Variants in RYR1 observed in about 807,000 individuals in gnomAD.
RYR1 encodes central core disease of muscle.
Under a neutral mutation model 583.5 loss-of-function variants are expected in RYR1, and 342 were observed. The ratio of observed to expected loss-of-function variants is 0.59; its 90% CI spans 0.54 to 0.64. The LOEUF is 0.64. Ranked by LOEUF, RYR1 falls within the 30% of genes least tolerant of loss-of-function variation. RYR1 has a pLI of 0.00. For missense variants in RYR1, 6,032 were observed against 6,917.2 expected (o/e 0.87, Z 4.54); for synonymous variants, 2,791 against 2,822.5 (o/e 0.99, Z 0.35).
rs1183111020 is a variant in RYR1 at position 38,464,713 on chromosome 19, T to C, written c.2861T>C (p.Leu954Pro). 2.0e-5 allele frequency: 32 copies of C among 1,583,214 alleles called. No homozygotes were observed. The highest frequency in any genetic ancestry group is 2.5e-5 in the Non-Finnish European group (29 of 1,164,798). Residue 954 changes from leucine to proline, a missense_variant, in exon 23 of 106, where the codon CTC becomes CCC. Physicochemically the swap from Leu to Pro is moderately conservative, Grantham distance 98. This residue lies in a region of RYR1 where 2,627 missense variants were observed against 2,961.3 expected (regional missense o/e 0.89). Coordinates refer to ENST00000359596, the MANE Select transcript of RYR1 (RefSeq NM_000540.3). ...GAGGACAACCTGAAGAAGACAAAACTCCCCAAGACGTGAGTGTGGGCAGCC... is the reference window on the plus strand; with the variant it reads ...GAGGACAACCTGAAGAAGACAAAACCCCCCAAGACGTGAGTGTGGGCAGCC... ...KAEDNLKKTK[L>P]PKTYMMSNGY...
intron 99 of RYR1, among the ~76,000 whole-genome samples, chr19:38,578,684 A>G (rs1974066309): frequency 6.6e-6 from 1 of 152,122 alleles, no homozygotes; most frequent in South Asian, 2.1e-4. Flanking sequence ...CCAGCTACTC[A>G]GGAGGCTGAG....
chr19:38,459,133 G>A lies in RYR1; in HGVS notation c.2168-13G>A. On this transcript the variant is annotated splice_polypyrimidine_tract_variant and intron_variant, in intron 18 of 105. Coordinates refer to ENST00000359596, the MANE Select transcript of RYR1 (RefSeq NM_000540.3). ...ACCTGTGACGTCTGACCCATCTCTG[G>A]TGACTGATGCAGGACACGTGGCACG... 2 of 1,612,212 alleles carry A rather than the reference G, an allele frequency of 1.2e-6. No individual in the cohort carries two copies. Among genetic ancestry groups the A allele is most frequent in the African/African-American group, 1.3e-5 (1 of 74,978 alleles).
rs1001494927 is a variant in RYR1, at chr19:38,446,776, G to C, written c.800+8G>C. ...GGAGCCACTGAGAATCAGGTAGGGC[G>C]GGGAAGATGGGGAGAGACCAGGGAG... On this transcript the variant is annotated splice_region_variant and intron_variant, in intron 9 of 105. Transcript: ENST00000359596. 4 of 1,611,608 alleles carry C rather than the reference G, an allele frequency of 2.5e-6. No individual in the cohort carries two copies. Among genetic ancestry groups the C allele is most frequent in the East Asian group, 4.5e-5 (2 of 44,866 alleles).
At chr19:38,497,347 G>T (rs1289757438) in intron 42 of RYR1, among the ~76,000 whole-genome samples, 1 of 152,204 alleles carries the variant, frequency 6.6e-6, no homozygotes, top group Non-Finnish European at 1.5e-5. Context: ...GGTGGCCTTG[G>T]CACATTTCTT....
chr19:38,502,727 G>C lies in RYR1; in HGVS notation c.7835G>C (p.Arg2612Thr), dbSNP rs769677939. ...VIEDCLMSLCRYIRPSMLQHL... is the reference protein window; with the variant it reads ...VIEDCLMSLCTYIRPSMLQHL... ...GAGGACTGCCTCATGTCGCTCTGCA[G>C]GTGGAGCGGGGCAGGCTTCAGGGTG... Residue 2612 changes from arginine to threonine, a missense_variant and splice_region_variant, in exon 48 of 106, where the codon AGG becomes ACG. By Grantham distance (71) the Arg-to-Thr change is moderately conservative. Around this residue, in one of 11 missense-constraint regions of RYR1, gnomAD observed 250 missense variants for 162.3 expected, o/e 1.54. Transcript: ENST00000359596. The C allele has an allele frequency of 6.4e-7, 1 of 1,572,390 alleles. No homozygotes were observed. The highest frequency in any genetic ancestry group is 1.1e-5 in the South Asian group (1 of 89,702).
intron 7 of RYR1, among the ~76,000 whole-genome samples, 180 bp from the exon 8 acceptor site, chr19:38,446,292 C>A (rs1211334911): frequency 1.3e-5 from 2 of 152,170 alleles, no homozygotes; most frequent in Non-Finnish European, 2.9e-5. Flanking sequence ...TCTCATATCC[C>A]CACTTCAGGC....
intron 66 of RYR1, among the ~76,000 whole-genome samples, chr19:38,518,927 CAAAAAAAA>C (rs549791781): frequency 8.4e-6 from 1 of 118,536 alleles, no homozygotes; most frequent in Non-Finnish European, 1.8e-5. Flanking sequence ...AACTCTGTCT[CAAAAAAAA>C]AAAAAAAGTT....
chr19:38,457,361 CCTCCTCTCAGTCAAAATTGCCACAT>C lies in RYR1; in HGVS notation c.1792-133_1792-109del, dbSNP rs1967467759. 2.4e-6 allele frequency: 3 copies of C among 1,232,724 alleles called. No individual in the cohort carries two copies. In the East Asian group the frequency reaches 7.0e-5, roughly 29 times the overall value. The allele number at this position is 1,232,724 out of a possible 1,614,324, so 76.4% of individuals were successfully genotyped here. On this transcript the variant is annotated intron_variant, in intron 16 of 105. Transcript: ENST00000359596. ...GATCCCTGACCTTCCACTTTCACCA[CCTCCTCTCAGTCAAAATTGCCACAT>C]CTTATCCCGATGCGCTGTCCTTTCC... is the stretch of plus-strand genomic sequence containing the variant.
intron 99 of RYR1, 83 bp from the exon 100 acceptor site, chr19:38,579,899 G>A: frequency 1.3e-6 from 2 of 1,588,274 alleles, no homozygotes; most frequent in South Asian, 1.1e-5. Flanking sequence ...GGGCACAGCT[G>A]ACTCTCGAGT....
rs1301933255 is a variant in RYR1 at position 38,502,875 on chromosome 19, C to G, written c.7836-5C>G. On this transcript the variant is annotated splice_region_variant and splice_polypyrimidine_tract_variant and intron_variant, in intron 48 of 105. Coordinates refer to ENST00000359596, the MANE Select transcript of RYR1 (RefSeq NM_000540.3). ...GGATTCTACATCTTGTGCATTGTCC[C>G]GCAGGTACATCCGCCCGTCGATGCT... 2.5e-6 allele frequency: 4 copies of G among 1,609,734 alleles called. No homozygotes were observed. Among genetic ancestry groups the G allele is most frequent in the Admixed American group, 1.7e-5 (1 of 59,910 alleles).
chr19:38,464,073 T>G (rs559441547), intron 22 of RYR1, among the ~76,000 whole-genome samples: 1 of 151,952 alleles, frequency 6.6e-6, no homozygotes, highest in South Asian at 2.1e-4. Flanking sequence ...GGTCAGCAGT[T>G]CGAGACCAGT....
intron 96 of RYR1, among the ~76,000 whole-genome samples, chr19:38,573,541 G>A (rs182567398): frequency 2.0e-5 from 3 of 152,102 alleles, no homozygotes; most frequent in Non-Finnish European, 2.9e-5. Flanking sequence ...TTAGCTGGGC[G>A]TGGTGGCGGG....
At position 38,509,923 on chromosome 19, in the gene RYR1, A is replaced by AT. The variant is rs554617572; in HGVS notation, c.8933-575_8933-574insT. On this transcript the variant is annotated intron_variant, in intron 58 of 105. Coordinates refer to ENST00000359596, the MANE Select transcript of RYR1 (RefSeq NM_000540.3). Reference sequence around the variant, plus strand: ...AACTCAGTGCCATGTATTCAAGTTTAGAATGAAAAGCACTTATGGTGGGTG... The same window carrying AT: ...AACTCAGTGCCATGTATTCAAGTTTATGAATGAAAAGCACTTATGGTGGGTG... Among the ~76,000 whole-genome samples, 496 of 151,790 alleles carry AT rather than the reference A, an allele frequency of 3.3e-3. 1 individual carries two copies. The highest frequency in any genetic ancestry group is 0.017 in the Middle Eastern group (5 of 292).
chr19:38,476,091 T>C (rs8104818), intron 29 of RYR1, among the ~76,000 whole-genome samples: 6,584 of 152,102 alleles, frequency 0.043, 455 homozygotes, highest in African/African-American at 0.15. Flanking sequence ...GGTGTGATCT[T>C]GGCTCACTGA....
chr19:38,469,820 A>C (rs965035782), intron 27 of RYR1, among the ~76,000 whole-genome samples: 3 of 152,076 alleles, frequency 2.0e-5, no homozygotes, highest in African/African-American at 7.2e-5. Context: ...TTATCCCAGC[A>C]CTTAGGGAGG....
rs1294630166 is a variant in RYR1 at position 38,519,431 on chromosome 19, C to T, written c.10236C>T (p.Leu3412=). 1 of 1,599,846 alleles carries T rather than the reference C, an allele frequency of 6.3e-7. No individual in the cohort carries two copies. The highest frequency in any genetic ancestry group is 1.7e-5 in the Admixed American group (1 of 58,498). The change falls in exon 67 of 106, where the codon CTC becomes CTT. Residue 3412 remains leucine, a synonymous_variant. Transcript: ENST00000359596. ...CRDLYALYPL[L]IRYVDNNRAQ... ...ACCTCTACGCCCTGTATCCGCTGCT[C>T]ATCCGCTACGTGGACAACAACAGGT...
chr19:38,579,931 T>C, intron 99 of RYR1, 51 bp from the exon 100 acceptor site: 1 of 1,613,186 alleles, frequency 6.2e-7, no homozygotes. Context: ...TCCAGAGTGC[T>C]CCTCGTGTGT....
intron 70 of RYR1, 46 bp downstream of exon 70, chr19:38,523,975 C>A: frequency 6.2e-7 from 1 of 1,611,142 alleles, no homozygotes; most frequent in Non-Finnish European, 8.5e-7. Context: ...TGGCTAATGC[C>A]CTCTTCCCCC....
At position 38,586,192 on chromosome 19, in the gene RYR1, G is replaced by A; in HGVS notation, c.14969+1G>A. On this transcript the variant is annotated splice_donor_variant, in intron 104 of 105. Coordinates refer to ENST00000359596, the MANE Select transcript of RYR1 (RefSeq NM_000540.3). LOFTEE classifies it high-confidence loss of function. ...AGGAGCACAACCTGGCCAATTACAT[G>A]TGAGCAGACACACTGGCCAGTCAGG... 3 of 1,613,418 alleles carry A rather than the reference G, an allele frequency of 1.9e-6. No individual in the cohort carries two copies. Among genetic ancestry groups the A allele is most frequent in the East Asian group, 2.2e-5 (1 of 44,876 alleles).
Sources: gnomAD v4.1 joint callset for allele counts (sites outside exome capture counted in the v4.1 genomes callset) on GRCh38, gnomAD v4.1.1 for gene constraint, gnomAD v4.1.1 regional missense constraint, MANE v1.5 for transcripts, NCBI Gene and HGNC (gene_info 2026-07-23, HGNC 2026-07-21) for gene names.